The following ZMAT1 variants were observed in gnomAD, a reference collection of about 807,000 sequenced individuals.
ZMAT1 encodes the protein zinc finger matrin-type 1, also known as zinc finger matrin-type protein 1.
A neutral mutation model predicts 18.5 loss-of-function variants in ZMAT1; 11 were observed. The observed-to-expected ratio is 0.59, with a 90% CI of 0.37 to 0.98. The LOEUF is 0.98. Ranked by LOEUF, ZMAT1 falls within the 50% of genes least tolerant of loss-of-function variation. ZMAT1 has a pLI of 0.01. For missense variants in ZMAT1, 525 were observed against 496.2 expected (o/e 1.06, Z -0.55); for synonymous variants, 211 against 176.4 (o/e 1.20, Z -1.55).
chrX:101,884,587 G>A lies in ZMAT1; in HGVS notation c.1011C>T (p.Tyr337=), dbSNP rs777856893. The A allele has an allele frequency of 4.4e-5, 53 of 1,208,761 alleles. No homozygotes were observed. Among genetic ancestry groups the A allele is most frequent in the Non-Finnish European group, 5.4e-5 (48 of 894,518 alleles). The change falls in exon 6 of 6, where the codon TAC becomes TAT. Residue 337 remains tyrosine (Y), a synonymous_variant. Coordinates refer to ENST00000651725, the MANE Select transcript of ZMAT1 (RefSeq NM_001394560.1). ...QRLPFETFRT[Y]AAPYNISQAM... ...CTTGTGAAATATTGTATGGTGCTGCGTATGTCCGGAAAGTCTCAAATGGGA... is the reference window on the plus strand; with the variant it reads ...CTTGTGAAATATTGTATGGTGCTGCATATGTCCGGAAAGTCTCAAATGGGA...
intron 5 of ZMAT1, among the ~76,000 whole-genome samples, chrX:101,885,970 C>T (rs962962883): frequency 8.9e-6 from 1 of 111,773 alleles, no homozygotes; most frequent in Non-Finnish European, 1.9e-5. Flanking sequence ...AGGCCTGGCT[C>T]TATGTCTTGA....
chrX:101,907,290 C>T (rs532785886), intron 1 of ZMAT1, among the ~76,000 whole-genome samples: 3 of 111,627 alleles, frequency 2.7e-5, no homozygotes, highest in East Asian at 2.8e-4. Context: ...GGCTGTAGGT[C>T]CATTCCTCAA....
At position 101,892,665 on chromosome X, in the gene ZMAT1, TAAACA is replaced by T. The variant is rs1927500513; in HGVS notation, c.676+5198_676+5202del. On this transcript the variant is annotated intron_variant, in intron 4 of 5. Transcript: ENST00000651725. ...ATAATGGGGCCAAAAATTAGTAAGA[TAAACA>T]AAACAAATATAATAAATAAAAAATA... The T allele has an allele frequency of 1.3e-5, 9 of 690,247 alleles. No homozygotes were observed. In the South Asian group the frequency reaches 6.0e-4, roughly 46 times the overall value. 56.9% of individuals were successfully genotyped at this position (690,247 alleles called of 1,213,427 possible). A position where few individuals can be genotyped will look rare whatever the true frequency, so the allele number is the denominator to read the frequency against.
chrX:101,893,664 C>A (rs766769596), intron 4 of ZMAT1, among the ~76,000 whole-genome samples: 11 of 111,496 alleles, frequency 9.9e-5, no homozygotes, highest in Middle Eastern at 9.2e-3. Context: ...AGATGAAGTC[C>A]CTTGCCTCAA....
chrX:101,917,501 CT>C (rs1929414641), intron 1 of ZMAT1, among the ~76,000 whole-genome samples: 1 of 112,367 alleles, frequency 8.9e-6, no homozygotes, highest in South Asian at 3.6e-4. Context: ...CATCTCACCC[CT>C]GTTAAAATGG....
rs561878531 is a variant in ZMAT1 at position 101,910,848 on chromosome X, A to G, written c.293-6518T>C. Among the ~76,000 whole-genome samples, 4 of 111,938 alleles carry G rather than the reference A, an allele frequency of 3.6e-5. No homozygotes were observed. In the South Asian group the frequency reaches 1.5e-3, roughly 41 times the overall value. ...GAAAGAGGAGGTAGAGAAAGAAATT[A>G]GGTAGAAAGCTTATTCAAAGGGATA... On this transcript the variant is annotated intron_variant, in intron 1 of 5. Transcript: ENST00000651725.
chrX:101,914,412 G>T (rs778028699), intron 1 of ZMAT1, among the ~76,000 whole-genome samples: 3 of 110,142 alleles, frequency 2.7e-5, no homozygotes, highest in South Asian at 3.8e-4. Flanking sequence ...AAAAAGCTGG[G>T]TTTTTTTTGA....
rs760135791 is a variant in ZMAT1 at position 101,894,438 on chromosome X, G to T, written c.676+3430C>A. On this transcript the variant is annotated intron_variant, in intron 4 of 5. Coordinates refer to ENST00000651725, the MANE Select transcript of ZMAT1 (RefSeq NM_001394560.1). ...ATATGAAGTTAAGAAGGTGGTGTTT[G>T]GGGGTTCATAGTTACCTGTGGGTTT... 22 of 751,752 alleles carry T rather than the reference G, an allele frequency of 2.9e-5. No individual in the cohort carries two copies. The African/African-American group carries it at 4.7e-4, about 16-fold the overall frequency. 62.0% of individuals were successfully genotyped at this position (751,752 alleles called of 1,213,427 possible).
chrX:101,915,318 C>CTAG (rs1456047267), intron 1 of ZMAT1, among the ~76,000 whole-genome samples: 1 of 61,076 alleles, frequency 1.6e-5, no homozygotes, highest in Non-Finnish European at 3.6e-5. Flanking sequence ...CAGCATAGTA[C>CTAG]TAGAAGTCCT....
chrX:101,929,413 T>G (rs1221465253), intron 1 of ZMAT1, among the ~76,000 whole-genome samples: 25 of 92,664 alleles, frequency 2.7e-4, no homozygotes, highest in Admixed American at 1.6e-3. Context: ...ATTCTATATA[T>G]AGAGAGAGAT....
intron 1 of ZMAT1, chrX:101,915,647 G>A (rs757160192): frequency 8.9e-6 from 1 of 112,171 alleles, no homozygotes; most frequent in Non-Finnish European, 1.9e-5. Flanking sequence ...AATTAGCATG[G>A]CCCCTGCATA....
At chrX:101,895,951 C>A (rs978321997) in intron 4 of ZMAT1, 1 of 544,316 alleles carries the variant, frequency 1.8e-6, no homozygotes, top group African/African-American at 2.6e-5. Flanking sequence ...TTGTAAACTA[C>A]TAGGGAAATT....
intron 1 of ZMAT1, among the ~76,000 whole-genome samples, chrX:101,926,491 T>C (rs1930067034): frequency 1.8e-5 from 2 of 112,397 alleles, no homozygotes; most frequent in Admixed American, 9.4e-5. Context: ...CAATTTAAGA[T>C]GAAATGCATT....
Position 101,921,593 on chromosome X carries a change from T to A in ZMAT1, c.292+10124A>T, listed in dbSNP as rs376763365. On this transcript the variant is annotated intron_variant, in intron 1 of 5. Coordinates refer to ENST00000651725, the MANE Select transcript of ZMAT1 (RefSeq NM_001394560.1). ...TGGGACCACCTTTTTCACCCTGCTATTAACTAGCTGTGTGACTAAGAACAT... is the reference window on the plus strand; with the variant it reads ...TGGGACCACCTTTTTCACCCTGCTAATAACTAGCTGTGTGACTAAGAACAT... Among the ~76,000 whole-genome samples, 29 of 112,220 alleles carry A rather than the reference T, an allele frequency of 2.6e-4. 3 individuals are homozygous for A. Among genetic ancestry groups the A allele is most frequent in the East Asian group, 2.0e-3 (7 of 3,564 alleles).
At chrX:101,894,656 A>C (rs887610550) in intron 4 of ZMAT1, 5 of 605,446 alleles carry the variant, frequency 8.3e-6, no homozygotes, top group Non-Finnish European at 9.9e-6. Context: ...ACCTACATTT[A>C]GGTAATGAAT....
At position 101,932,013 on chromosome X, in the gene ZMAT1, G is replaced by A. The variant is rs1355092591; in HGVS notation, c.-5C>T. 1 of 764,892 alleles carries A rather than the reference G, an allele frequency of 1.3e-6. No individual in the cohort carries two copies. The highest frequency in any genetic ancestry group is 1.5e-6 in the Non-Finnish European group (1 of 646,884). The allele number at this position is 764,892 out of a possible 1,213,427, so 63.0% of individuals were successfully genotyped here. On this transcript the variant is annotated 5_prime_UTR_variant, in exon 1 of 6. Transcript: ENST00000651725. ...TGTGCTCGGCGCCGCCGCCATCGCA[G>A]CGAGGCGCGCGGACAATTGCACTTG...
Sources: gnomAD v4.1 joint callset for allele counts (sites outside exome capture counted in the v4.1 genomes callset) on GRCh38, gnomAD v4.1.1 for gene constraint, MANE v1.5 for transcripts, NCBI Gene and HGNC (gene_info 2026-07-23, HGNC 2026-07-21) for gene names.